The following ANXA3 variants were observed in gnomAD, a reference collection of about 807,000 sequenced individuals.
ANXA3 encodes annexin A3, also known as 35-alpha calcimedin.
Under a neutral mutation model 48.8 loss-of-function variants are expected in ANXA3, and 46 were observed. The observed-to-expected ratio is 0.94, with a 90% CI of 0.74 to 1.21. The LOEUF (loss-of-function observed/expected upper bound fraction) is 1.21. Among genes scored for constraint, ANXA3 ranks in the 50% most tolerant of loss-of-function variants. The probability of loss-of-function intolerance (pLI) is 0.00; values close to 1 mark genes in which losing one functional copy is unlikely to be tolerated. For missense variants in ANXA3, 383 were observed against 378.6 expected, an observed-to-expected ratio of 1.01 and a Z score of -0.10; for synonymous variants, 128 against 134.7, an observed-to-expected ratio of 0.95 and a Z score of 0.35.
intron 6 of ANXA3, among the ~76,000 whole-genome samples, chr4:78,589,969 A>G (rs1723256076): frequency 6.6e-6 from 1 of 152,234 alleles, no homozygotes; most frequent in African/African-American, 2.4e-5. Context: ...TACTATTAAA[A>G]TATTCTATTT....
intron 2 of ANXA3, among the ~76,000 whole-genome samples, chr4:78,563,564 G>A (rs546196847): frequency 1.2e-4 from 18 of 152,248 alleles, no homozygotes; most frequent in Admixed American, 8.5e-4. Flanking sequence ...AGAAGGTGCC[G>A]TATATGAACC....
intron 3 of ANXA3, among the ~76,000 whole-genome samples, chr4:78,575,034 C>G (rs545563589): frequency 2.2e-4 from 33 of 152,284 alleles, no homozygotes; most frequent in Admixed American, 8.5e-4. Flanking sequence ...TATAGTAAGA[C>G]TATTCCATTT....
chr4:78,594,788 A>G (rs1389745866), intron 7 of ANXA3, among the ~76,000 whole-genome samples: 5 of 152,182 alleles, frequency 3.3e-5, no homozygotes, highest in African/African-American at 9.7e-5. Context: ...TATCAGATAC[A>G]TGTTACAAAT....
intron 2 of ANXA3, among the ~76,000 whole-genome samples, chr4:78,572,590 G>T (rs1194404920): frequency 6.6e-6 from 1 of 152,112 alleles, no homozygotes; most frequent in East Asian, 1.9e-4. Context: ...GTCCTTGTAG[G>T]CTGAGTCTGC....
intron 5 of ANXA3, among the ~76,000 whole-genome samples, chr4:78,585,272 G>A (rs191814363): frequency 1.9e-4 from 29 of 152,324 alleles, no homozygotes; most frequent in Non-Finnish European, 4.0e-4. Flanking sequence ...AAGAAATCCA[G>A]GCTGTGGTGG....
chr4:78,599,456 T>C lies in ANXA3; in HGVS notation c.730+2042T>C, dbSNP rs1024076717. ...ATCTTAGAATCGTGTAATAGGAGCA[T>C]ACTACTTGCCAAATAAGAACAAATC... On this transcript the variant is annotated intron_variant, in intron 10 of 12. Transcript: ENST00000264908. Among the ~76,000 whole-genome samples, 3 of 152,238 alleles carry C rather than the reference T, an allele frequency of 2.0e-5. No individual in the cohort carries two copies. The East Asian group carries it at 5.8e-4, about 29-fold the overall frequency.
chr4:78,558,673 C>G (rs914794673), intron 2 of ANXA3, among the ~76,000 whole-genome samples: 4 of 152,188 alleles, frequency 2.6e-5, no homozygotes, highest in African/African-American at 9.6e-5. Flanking sequence ...TCAGATGAAT[C>G]AACAATCTAT....
At chr4:78,605,623 G>A (rs945817806) in intron 12 of ANXA3, among the ~76,000 whole-genome samples, 5 of 152,046 alleles carry the variant, frequency 3.3e-5, no homozygotes, top group Non-Finnish European at 7.4e-5. Flanking sequence ...ATCTTTCACA[G>A]TATTTTAGTT....
chr4:78,604,174 T>C, intron 11 of ANXA3, 103 bp from the exon 12 acceptor site: 1 of 1,040,658 alleles, frequency 9.6e-7, no homozygotes, highest in Non-Finnish European at 1.3e-6. Flanking sequence ...ATCACTATAG[T>C]TGAATATTTT....
chr4:78,594,766 A>G (rs1351289558), intron 7 of ANXA3, among the ~76,000 whole-genome samples: 1 of 152,134 alleles, frequency 6.6e-6, no homozygotes, highest in East Asian at 1.9e-4. Flanking sequence ...TGTATTTTGG[A>G]TACAAGTTCT....
intron 12 of ANXA3, among the ~76,000 whole-genome samples, chr4:78,607,817 C>T (rs142372938): frequency 3.3e-3 from 503 of 152,288 alleles, no homozygotes; most frequent in African/African-American, 0.011. Context: ...TTCAGGTCAA[C>T]AAGCATGTGT....
chr4:78,578,016 C>A (rs183964384), intron 3 of ANXA3, among the ~76,000 whole-genome samples: 1 of 151,914 alleles, frequency 6.6e-6, no homozygotes, highest in East Asian at 1.9e-4. Context: ...CGGTGGCTTA[C>A]CCCTGAAATC....
chr4:78,556,918 C>T (rs776078800), intron 2 of ANXA3, among the ~76,000 whole-genome samples: 2 of 152,134 alleles, frequency 1.3e-5, no homozygotes, highest in Non-Finnish European at 2.9e-5. Flanking sequence ...GTATTCATTT[C>T]CTATTGCACT....
intron 10 of ANXA3, among the ~76,000 whole-genome samples, chr4:78,598,467 T>C (rs1723467881): frequency 6.6e-6 from 1 of 152,210 alleles, no homozygotes; most frequent in Non-Finnish European, 1.5e-5. Context: ...TCTTCATAAT[T>C]AGTTCTCAGA....
In ANXA3 at chr4:78,579,121, G is replaced by T; in HGVS notation, c.198G>T (p.Lys66Asn). 1 of 1,604,460 alleles carries T rather than the reference G, an allele frequency of 6.2e-7. No individual in the cohort carries two copies. The highest frequency in any genetic ancestry group is 8.5e-7 in the Non-Finnish European group (1 of 1,172,304). ...IVKEYQAAYGKELKDDLKGDL... is the reference protein window; with the variant it reads ...IVKEYQAAYGNELKDDLKGDL... ...AGGAATATCAAGCAGCATATGGAAA[G>T]GTAAGGTCACATTAACATGACAGGC... The change falls in exon 4 of 13, where the codon AAG becomes AAT. Residue 66 changes from lysine to asparagine, a missense_variant and splice_region_variant. Coordinates refer to ENST00000264908, the MANE Select transcript of ANXA3 (RefSeq NM_005139.3).
intron 4 of ANXA3, among the ~76,000 whole-genome samples, chr4:78,579,978 A>T (rs1372205872): frequency 6.6e-6 from 1 of 152,236 alleles, no homozygotes; most frequent in Non-Finnish European, 1.5e-5. Context: ...TTTGCTATAC[A>T]GTTTATTTGT....
rs59972919 is a variant in ANXA3 at position 78,593,113 on chromosome 4, C to CCACACACACA, written c.483+1520_483+1529dup. ...AAGTATTTGTACATGAACACACATA[C>CCACACACACA]CACACACACACACACACACACACAC... On this transcript the variant is annotated intron_variant, in intron 7 of 12. Transcript: ENST00000264908. Among the ~76,000 whole-genome samples, 1,086 of 144,006 alleles carry CCACACACACA rather than the reference C, an allele frequency of 7.5e-3. 7 individuals carry two copies. Among genetic ancestry groups the CCACACACACA allele is most frequent in the Middle Eastern group, 0.011 (3 of 280 alleles). The allele number at this position is 144,006 out of a possible 152,430, so 94.5% of individuals were successfully genotyped here.
At chr4:78,606,745 T>C (rs1264578825) in intron 12 of ANXA3, among the ~76,000 whole-genome samples, 1 of 151,862 alleles carries the variant, frequency 6.6e-6, no homozygotes, top group Non-Finnish European at 1.5e-5. Flanking sequence ...TCTCTCTCTC[T>C]CTTTTTAATC....
intron 6 of ANXA3, among the ~76,000 whole-genome samples, chr4:78,588,856 T>C (rs1723231173): frequency 6.6e-6 from 1 of 152,208 alleles, no homozygotes; most frequent in Non-Finnish European, 1.5e-5. Flanking sequence ...GACAAGAGAA[T>C]TGCTTAATCA....
Sources: allele counts gnomAD v4.1 joint callset (sites outside exome capture counted in the v4.1 genomes callset), GRCh38; gene constraint gnomAD v4.1.1; transcripts MANE v1.5; gene names NCBI Gene and HGNC (gene_info 2026-07-23, HGNC 2026-07-21).